The following FAM53B variants were observed in gnomAD, a reference collection of about 807,000 sequenced individuals.
The protein encoded by FAM53B is family with sequence similarity 53 member B, also known as protein FAM53B.
A neutral mutation model predicts 32.7 loss-of-function variants in FAM53B; 12 were observed. That is an observed-to-expected ratio of 0.37 (90% CI 0.24 to 0.59). The LOEUF (loss-of-function observed/expected upper bound fraction) is 0.59, where lower values mean the gene tolerates loss of function less well. Among genes scored for constraint, FAM53B ranks in the 20% least tolerant of loss-of-function variants. FAM53B has a pLI of 0.72. For missense variants in FAM53B, 477 were observed against 577.7 expected, an observed-to-expected ratio of 0.83 and a Z score of 1.79; for synonymous variants, 234 against 228.7, an observed-to-expected ratio of 1.02 and a Z score of -0.21.
chr10:124,711,238 C>T (rs1292914788), intron 1 of FAM53B, among the ~76,000 whole-genome samples: 1 of 152,130 alleles, frequency 6.6e-6, no homozygotes, highest in Non-Finnish European at 1.5e-5. Context: ...TTCTAGGAGT[C>T]CATTTATATC....
intron 1 of FAM53B, among the ~76,000 whole-genome samples, chr10:124,707,586 A>G (rs1336565749): frequency 2.0e-5 from 3 of 152,180 alleles, no homozygotes; most frequent in African/African-American, 7.2e-5. Flanking sequence ...AAAAATACAA[A>G]AAATTAGCTG....
chr10:124,650,389 A>G (rs1949548633), intron 4 of FAM53B, among the ~76,000 whole-genome samples: 1 of 152,144 alleles, frequency 6.6e-6, no homozygotes, highest in African/African-American at 2.4e-5. Flanking sequence ...GATGACAATG[A>G]TGGTGGTTTT....
At position 124,733,448 on chromosome 10, in the gene FAM53B, A is replaced by G. The variant is rs529518572; in HGVS notation, c.-175+10565T>C. Among the ~76,000 whole-genome samples, 2 of 152,334 alleles carry G rather than the reference A, an allele frequency of 1.3e-5. No individual in the cohort carries two copies. The highest frequency in any genetic ancestry group is 4.1e-4 in the South Asian group (2 of 4,832). ...TTGAGAACACTAGTGAGAACAGGCT[A>G]TGACAGAGCCCAGGGGGCACCGAAG... On this transcript the variant is annotated intron_variant, in intron 1 of 4. Transcript: ENST00000337318. The surrounding 1 kb of genome is among the most constrained non-coding windows in gnomAD (Gnocchi z 4.3).
At chr10:124,675,011 C>T (rs1249649829) in intron 4 of FAM53B, among the ~76,000 whole-genome samples, 4 of 152,228 alleles carry the variant, frequency 2.6e-5, no homozygotes, top group Admixed American at 6.5e-5. Context: ...TCAATTGAAG[C>T]GTGGAAATCA....
intron 4 of FAM53B, among the ~76,000 whole-genome samples, chr10:124,664,792 T>G (rs903086557): frequency 2.6e-5 from 4 of 152,206 alleles, no homozygotes; most frequent in African/African-American, 9.6e-5. Flanking sequence ...ACCAAGAAAC[T>G]GAGGCACAGA....
intron 3 of FAM53B, among the ~76,000 whole-genome samples, chr10:124,692,714 CAAAAAA>C (rs5788679): frequency 1.6e-3 from 111 of 69,056 alleles, no homozygotes; most frequent in African/African-American, 6.7e-3. Context: ...TACTCCATCT[CAAAAAA>C]AAAAAAAAAA....
chr10:124,722,251 G>A (rs972874658), intron 1 of FAM53B, among the ~76,000 whole-genome samples: 4 of 152,048 alleles, frequency 2.6e-5, no homozygotes, highest in South Asian at 2.1e-4. Flanking sequence ...ACCCTGAGCC[G>A]ATCATCATAC....
chr10:124,663,746 C>T (rs768382238), intron 4 of FAM53B, among the ~76,000 whole-genome samples: 1 of 152,060 alleles, frequency 6.6e-6, no homozygotes, highest in African/African-American at 2.4e-5. Flanking sequence ...AACAAGGGTT[C>T]GTCATGGGCC....
At chr10:124,636,950 A>T (rs1389964205) in intron 4 of FAM53B, among the ~76,000 whole-genome samples, 1 of 151,462 alleles carries the variant, frequency 6.6e-6, no homozygotes, top group Non-Finnish European at 1.5e-5. Context: ...ATCTGGGGGG[A>T]GCGAGACTTC....
At chr10:124,702,197 C>A (rs1949918869) in intron 2 of FAM53B, among the ~76,000 whole-genome samples, 1 of 152,356 alleles carries the variant, frequency 6.6e-6, no homozygotes, top group South Asian at 2.1e-4. Flanking sequence ...CCGGCCTCCC[C>A]CACAGTCATG....
At chr10:124,701,795 C>A (rs1167732794) in intron 2 of FAM53B, among the ~76,000 whole-genome samples, 1 of 152,244 alleles carries the variant, frequency 6.6e-6, no homozygotes, top group Non-Finnish European at 1.5e-5. Flanking sequence ...CATCTCCCCC[C>A]AGGCAGGTGG....
intron 2 of FAM53B, 111 bp downstream of exon 2, chr10:124,706,525 T>C (rs947779597): frequency 5.8e-6 from 8 of 1,385,320 alleles, no homozygotes; most frequent in African/African-American, 4.3e-5. Flanking sequence ...AGCTTTGCTC[T>C]TGGGGACTCT....
intron 4 of FAM53B, among the ~76,000 whole-genome samples, chr10:124,662,306 C>T (rs1278420538): frequency 6.6e-6 from 1 of 152,258 alleles, no homozygotes; most frequent in Non-Finnish European, 1.5e-5. Context: ...GCCACACTGT[C>T]CCCAGTAAAC....
At position 124,619,827 on chromosome 10, in the gene FAM53B, G is replaced by GTGAC. The variant is rs1949294571; in HGVS notation, c.*3411_*3414dup. ...GCATCCCTGCCGGCTGACGTCTGGA[G>GTGAC]TGACCGTCATTCCAGTGACCACCCC... On this transcript the variant is annotated 3_prime_UTR_variant, in exon 5 of 5. Coordinates refer to ENST00000337318, the MANE Select transcript of FAM53B (RefSeq NM_014661.4). 1 of 152,754 alleles carries GTGAC rather than the reference G, an allele frequency of 6.5e-6. No individual in the cohort carries two copies. Among genetic ancestry groups the GTGAC allele is most frequent in the East Asian group, 1.9e-4 (1 of 5,174 alleles). 9.5% of individuals were successfully genotyped at this position (152,754 alleles called of 1,614,324 possible). A position where few individuals can be genotyped will look rare whatever the true frequency, so the allele number is the denominator to read the frequency against.
At chr10:124,626,116 C>T (rs1425645947) in intron 4 of FAM53B, among the ~76,000 whole-genome samples, 5 of 152,260 alleles carry the variant, frequency 3.3e-5, no homozygotes, top group African/African-American at 1.2e-4. Context: ...GAACGCGTGC[C>T]AGCGTTTTCT....
rs1055847911 is a variant in FAM53B, at chr10:124,680,101, G to A, written c.906+1506C>T. On this transcript the variant is annotated intron_variant, in intron 4 of 4. Coordinates refer to ENST00000337318, the MANE Select transcript of FAM53B (RefSeq NM_014661.4). ...TTCTGGAGAAGGGAAATTCCTCTTG[G>A]TGTCCAATAAATGTGTTCAATCCCT... is the stretch of plus-strand genomic sequence containing the variant. Among the ~76,000 whole-genome samples the A allele has an allele frequency of 2.0e-5, 3 of 152,078 alleles. No homozygotes were observed. The East Asian group carries it at 5.8e-4, about 29-fold the overall frequency.
chr10:124,632,628 G>A (rs558454736), intron 4 of FAM53B, among the ~76,000 whole-genome samples: 18 of 152,330 alleles, frequency 1.2e-4, no homozygotes, highest in African/African-American at 3.6e-4. Flanking sequence ...TGCTGAGCAC[G>A]GCCTCTGGGC....
chr10:124,681,393 C>T (rs774668303), intron 4 of FAM53B, among the ~76,000 whole-genome samples: 3 of 152,152 alleles, frequency 2.0e-5, no homozygotes, highest in African/African-American at 4.8e-5. Flanking sequence ...ACTGAGCTCA[C>T]AGTGAAAGGG....
chr10:124,654,261 A>G (rs987324002), intron 4 of FAM53B, among the ~76,000 whole-genome samples: 8 of 152,376 alleles, frequency 5.3e-5, no homozygotes, highest in African/African-American at 1.9e-4. Flanking sequence ...TATGGTGCTC[A>G]GAAAAAAATC....
Sources: gnomAD v4.1 joint callset for allele counts (sites outside exome capture counted in the v4.1 genomes callset) on GRCh38, gnomAD v4.1.1 for gene constraint, Gnocchi (gnomAD v3.1) non-coding constraint, MANE v1.5 for transcripts, NCBI Gene and HGNC (gene_info 2026-07-23, HGNC 2026-07-21) for gene names.